RAB40C: variants seen among roughly 807,000 people sequenced by gnomAD.
The protein encoded by RAB40C is RAB40C, member RAS oncogene family.
A neutral mutation model predicts 28.1 loss-of-function variants in RAB40C; 8 were observed. The ratio of observed to expected loss-of-function variants is 0.28; its 90% CI spans 0.17 to 0.51. The LOEUF is 0.51. RAB40C is among the 20% of genes least tolerant of loss of function. The pLI, the probability that RAB40C is intolerant of heterozygous loss-of-function variation, is 0.97. For missense variants in RAB40C, 288 were observed against 405.9 expected (o/e 0.71, Z 2.50); for synonymous variants, 201 against 171.7 (o/e 1.17, Z -1.34).
In RAB40C at chr16:590,290, C is replaced by T. The variant is rs1323572569; in HGVS notation, c.-2C>T. 2.0e-6 allele frequency: 3 copies of T among 1,516,730 alleles called. No individual in the cohort carries two copies. The highest frequency in any genetic ancestry group is 2.7e-6 in the Non-Finnish European group (3 of 1,129,496). The allele number at this position is 1,516,730 out of a possible 1,614,324, so 94.0% of individuals were successfully genotyped here. A position where few individuals can be genotyped will look rare whatever the true frequency, so the allele number is the denominator to read the frequency against. On this transcript the variant is annotated 5_prime_UTR_variant, in exon 1 of 6. Transcript: ENST00000248139. The stretch of plus-strand genomic sequence containing the variant: ...CCGGCGCGGGGCGCAGGCGGCGCGG[C>T]CATGGGCTCGCAGGGCAGTCCGGTG...
At chr16:606,511 G>A (rs1020669551) in intron 1 of RAB40C, among the ~76,000 whole-genome samples, 2 of 151,010 alleles carry the variant, frequency 1.3e-5, no homozygotes, top group Non-Finnish European at 3.0e-5. Context: ...CAGTCCTCTC[G>A]GTCCTCAGTC....
intron 1 of RAB40C, among the ~76,000 whole-genome samples, chr16:606,761 G>A (rs889322163): frequency 6.6e-6 from 1 of 152,224 alleles, no homozygotes; most frequent in African/African-American, 2.4e-5. Flanking sequence ...GGCGGGTGAA[G>A]TCCCTCTCAT....
intron 3 of RAB40C, chr16:624,128 G>A (rs754370796): frequency 2.4e-4 from 236 of 985,310 alleles, no homozygotes; most frequent in Non-Finnish European, 2.7e-4. Flanking sequence ...CTGGCTTGTC[G>A]TTGTTATCAG....
At chr16:620,909 G>C (rs1050136376) in intron 3 of RAB40C, among the ~76,000 whole-genome samples, 2 of 152,172 alleles carry the variant, frequency 1.3e-5, no homozygotes, top group African/African-American at 4.8e-5. Flanking sequence ...GTACAGTCGT[G>C]ATTTCTGTTC....
At chr16:606,491 G>A (rs917356962) in intron 1 of RAB40C, among the ~76,000 whole-genome samples, 2 of 141,878 alleles carry the variant, frequency 1.4e-5, no homozygotes, top group Non-Finnish European at 3.1e-5. Context: ...TCAAGGTGTT[G>A]GCTGACACAC....
At chr16:597,937 C>CAAAAAA (rs57539332) in intron 1 of RAB40C, among the ~76,000 whole-genome samples, 2 of 28,464 alleles carry the variant, frequency 7.0e-5, no homozygotes, top group Non-Finnish European at 5.7e-5. Context: ...CCCATCTCTA[C>CAAAAAA]AAAAAAAAAA....
At chr16:608,627 T>C (rs760393740) in intron 1 of RAB40C, among the ~76,000 whole-genome samples, 2 of 152,154 alleles carry the variant, frequency 1.3e-5, no homozygotes, top group African/African-American at 4.8e-5. Context: ...CCCAGCACTT[T>C]AGGAGGCCGA....
chr16:610,804 A>C lies in RAB40C; in HGVS notation c.143-6404A>C, dbSNP rs1312928769. ...CTGGATAATTGAGACCTTCCAGGCC[A>C]AGGGCCCCCTCCCCAGGATCCTGAC... is the stretch of plus-strand genomic sequence containing the variant. On this transcript the variant is annotated intron_variant, in intron 1 of 5. Transcript: ENST00000248139. This position sits in a 1 kb window ranked among gnomAD's most constrained non-coding sequence, Gnocchi z 4.6. Among the ~76,000 whole-genome samples the C allele has an allele frequency of 6.9e-6, 1 of 145,104 alleles. No individual in the cohort carries two copies.
chr16:623,553 C>T (rs1414322187), intron 3 of RAB40C, among the ~76,000 whole-genome samples: 5 of 151,118 alleles, frequency 3.3e-5, no homozygotes, highest in East Asian at 3.9e-4. Context: ...ACTCAGGAGA[C>T]TGAGGCAGGA....
At chr16:611,879 G>A (rs1414444979) in intron 1 of RAB40C, among the ~76,000 whole-genome samples, 1 of 30,482 alleles carries the variant, frequency 3.3e-5, no homozygotes, top group Non-Finnish European at 5.7e-5. Flanking sequence ...CGGGACAGCC[G>A]CCCTGGCCTG....
At chr16:621,013 T>C (rs2036705929) in intron 3 of RAB40C, among the ~76,000 whole-genome samples, 1 of 152,272 alleles carries the variant, frequency 6.6e-6, no homozygotes, top group Non-Finnish European at 1.5e-5. Flanking sequence ...ATCATCTCCG[T>C]GTTCTTTCCA....
chr16:624,392 G>A (rs2036783490), intron 3 of RAB40C: 1 of 985,342 alleles, frequency 1.0e-6, no homozygotes, highest in East Asian at 1.1e-4. Context: ...GACTGACTTG[G>A]CCATCTCTGG....
chr16:604,828 G>C (rs1282700626), intron 1 of RAB40C, among the ~76,000 whole-genome samples: 1 of 152,194 alleles, frequency 6.6e-6, no homozygotes, highest in Admixed American at 6.5e-5. Flanking sequence ...GGGAGGCCGA[G>C]GCAGGCAGAT....
chr16:596,227 C>A, intron 1 of RAB40C: 1 of 447,428 alleles, frequency 2.2e-6, no homozygotes, highest in Non-Finnish European at 4.5e-6. Context: ...AGGAAGGAAG[C>A]CACATCGGGG....
intron 1 of RAB40C, among the ~76,000 whole-genome samples, chr16:613,527 T>G (rs2036526259): frequency 6.6e-6 from 1 of 152,250 alleles, no homozygotes; most frequent in East Asian, 1.9e-4. Flanking sequence ...CCAGTTGCCC[T>G]TTTCTGCGAG....
chr16:609,483 C>T (rs974302516), intron 1 of RAB40C, among the ~76,000 whole-genome samples: 1 of 152,020 alleles, frequency 6.6e-6, no homozygotes, highest in Non-Finnish European at 1.5e-5. Context: ...CACGAGACGC[C>T]GCCGAGAGCC....
intron 4 of RAB40C, 138 bp from the exon 5 acceptor site, chr16:625,761 C>A: frequency 1.1e-6 from 1 of 943,756 alleles, no homozygotes; most frequent in Non-Finnish European, 1.6e-6. Flanking sequence ...CTGGGGTCTG[C>A]CCACCTTGAC....
intron 3 of RAB40C, among the ~76,000 whole-genome samples, chr16:622,335 G>A (rs1041527411): frequency 6.6e-6 from 1 of 152,188 alleles, no homozygotes; most frequent in Non-Finnish European, 1.5e-5. Flanking sequence ...CTCAGGGCGT[G>A]CGGGTGGGAG....
At chr16:606,552 G>T (rs950157770) in intron 1 of RAB40C, among the ~76,000 whole-genome samples, 2 of 152,236 alleles carry the variant, frequency 1.3e-5, no homozygotes, top group African/African-American at 4.8e-5. Context: ...TGAAGTCAAG[G>T]TGTTGGCCAG....
Sources: gnomAD v4.1 joint callset for allele counts (sites outside exome capture counted in the v4.1 genomes callset) on GRCh38, gnomAD v4.1.1 for gene constraint, Gnocchi (gnomAD v3.1) non-coding constraint, MANE v1.5 for transcripts, NCBI Gene and HGNC (gene_info 2026-07-23, HGNC 2026-07-21) for gene names.